Variants in SLC4A10 observed in about 807,000 individuals in gnomAD.
SLC4A10 encodes the protein sodium-driven chloride bicarbonate exchanger.
Under a neutral mutation model 137.7 loss-of-function variants are expected in SLC4A10, and 42 were observed. The observed-to-expected ratio is 0.30, with a 90% CI of 0.24 to 0.39. The LOEUF (loss-of-function observed/expected upper bound fraction) is 0.39. Ranked by LOEUF, SLC4A10 falls within the 10% of genes least tolerant of loss-of-function variation. SLC4A10 has a pLI of 1.00. For missense variants in SLC4A10, 925 were observed against 1,355.0 expected, an observed-to-expected ratio of 0.68 and a Z score of 4.98; for synonymous variants, 474 against 464.1, an observed-to-expected ratio of 1.02 and a Z score of -0.27.
chr2:161,807,279 T>G (rs1575061056), intron 3 of SLC4A10, among the ~76,000 whole-genome samples: 1 of 152,208 alleles, frequency 6.6e-6, no homozygotes, highest in South Asian at 2.1e-4. Flanking sequence ...CTATTGTGAA[T>G]GCTCTCTCAT....
intron 1 of SLC4A10, among the ~76,000 whole-genome samples, chr2:161,644,364 T>C (rs1300609639): frequency 6.6e-6 from 1 of 151,990 alleles, no homozygotes; most frequent in African/African-American, 2.4e-5. Flanking sequence ...GGCGTGGTGG[T>C]ACGTTGCTGT....
At chr2:161,771,716 A>C (rs2125422770) in intron 2 of SLC4A10, among the ~76,000 whole-genome samples, 1 of 152,022 alleles carries the variant, frequency 6.6e-6, no homozygotes, top group Non-Finnish European at 1.5e-5. Flanking sequence ...ATTACTTAGA[A>C]TAGTACCTGG....
intron 1 of SLC4A10, among the ~76,000 whole-genome samples, chr2:161,717,715 T>C (rs986490057): frequency 6.6e-6 from 1 of 152,204 alleles, no homozygotes; most frequent in Non-Finnish European, 1.5e-5. Flanking sequence ...TGAAGATTTT[T>C]GCATTGATAT....
At chr2:161,771,689 A>G (rs541096166) in intron 2 of SLC4A10, among the ~76,000 whole-genome samples, 106 of 151,898 alleles carry the variant, frequency 7.0e-4, no homozygotes, top group Admixed American at 1.6e-3. Context: ...TAGTTTTTCT[A>G]TGAGAATTAA....
At chr2:161,819,716 G>A (rs1387329459) in intron 3 of SLC4A10, among the ~76,000 whole-genome samples, 3 of 152,010 alleles carry the variant, frequency 2.0e-5, no homozygotes, top group Non-Finnish European at 2.9e-5. Context: ...AGCTGGTCTC[G>A]AACTCCTGAC....
chr2:161,885,149 G>T (rs1203528894), intron 10 of SLC4A10, among the ~76,000 whole-genome samples: 1 of 152,138 alleles, frequency 6.6e-6, no homozygotes, highest in African/African-American at 2.4e-5. Context: ...CTGCACTCCA[G>T]CCTGGGTGAT....
chr2:161,906,257 G>A (rs549456794), intron 15 of SLC4A10, among the ~76,000 whole-genome samples: 2 of 152,142 alleles, frequency 1.3e-5, no homozygotes, highest in Non-Finnish European at 2.9e-5. Context: ...AAGAAACATA[G>A]TAATGAAAAT....
At chr2:161,835,780 A>G (rs1288521942) in intron 3 of SLC4A10, among the ~76,000 whole-genome samples, 1 of 152,200 alleles carries the variant, frequency 6.6e-6, no homozygotes. Flanking sequence ...GCTGTACCTG[A>G]TCTAATGCCT....
intron 1 of SLC4A10, among the ~76,000 whole-genome samples, chr2:161,725,683 G>T (rs895849348): frequency 6.6e-6 from 1 of 152,108 alleles, no homozygotes; most frequent in Non-Finnish European, 1.5e-5. Context: ...GATGTCTAAA[G>T]AAAAAACTCA....
intron 1 of SLC4A10, among the ~76,000 whole-genome samples, chr2:161,684,515 G>T (rs182785613): frequency 6.6e-6 from 1 of 152,122 alleles, no homozygotes; most frequent in African/African-American, 2.4e-5. Flanking sequence ...CTTGAGCAAG[G>T]ACTTGAGAGA....
rs2034530773 is a variant in SLC4A10 at position 161,637,084 on chromosome 2, TA to T, written c.48+12519del. Among the ~76,000 whole-genome samples the T allele has an allele frequency of 6.4e-5, 8 of 125,602 alleles. 1 individual carries two copies. The East Asian group carries it at 7.8e-4, about 12-fold the overall frequency. The allele number at this position is 125,602 out of a possible 152,430, so 82.4% of individuals were successfully genotyped here. On this transcript the variant is annotated intron_variant, in intron 1 of 26. Transcript: ENST00000446997. ...ATATATCTATATACATAAATACGTA[TA>T]TACATATACGTATATACGTATTTAT...
At chr2:161,829,949 A>G (rs1485157381) in intron 3 of SLC4A10, among the ~76,000 whole-genome samples, 1 of 152,160 alleles carries the variant, frequency 6.6e-6, no homozygotes, top group Admixed American at 6.5e-5. Context: ...CAGTATGGGG[A>G]AACTGTCCCC....
intron 4 of SLC4A10, among the ~76,000 whole-genome samples, chr2:161,852,433 C>T (rs1425943648): frequency 6.6e-6 from 1 of 152,182 alleles, no homozygotes; most frequent in Admixed American, 6.5e-5. Context: ...TGTATCCACT[C>T]CCCTGATGCC....
chr2:161,886,795 T>G (rs887724131), intron 10 of SLC4A10, among the ~76,000 whole-genome samples: 1 of 152,128 alleles, frequency 6.6e-6, no homozygotes, highest in Non-Finnish European at 1.5e-5. Context: ...TTTTTTTGTT[T>G]GATTTTTTTT....
At chr2:161,852,807 A>C (rs1043063058) in intron 4 of SLC4A10, among the ~76,000 whole-genome samples, 1 of 152,212 alleles carries the variant, frequency 6.6e-6, no homozygotes, top group Non-Finnish European at 1.5e-5. Flanking sequence ...TGACAAGGTC[A>C]CTGGCTAGGT....
At position 161,646,927 on chromosome 2, in the gene SLC4A10, C is replaced by T. The variant is rs142632173; in HGVS notation, c.48+22361C>T. 2.8e-3 allele frequency among the ~76,000 whole-genome samples: 433 copies of T among 152,010 alleles called. 11 individuals carry two copies. The highest frequency in any genetic ancestry group is 0.01 in the South Asian group (49 of 4,822). ...TCTGAAATTTTCATTATCTTAGTTA[C>T]GAAGAGTTTTATGAGAGCATAATTT... On this transcript the variant is annotated intron_variant, in intron 1 of 26. Transcript: ENST00000446997.
At chr2:161,956,171 A>G (rs754950716) in intron 19 of SLC4A10, among the ~76,000 whole-genome samples, 1 of 152,202 alleles carries the variant, frequency 6.6e-6, no homozygotes, top group Non-Finnish European at 1.5e-5. Flanking sequence ...AACAGATATT[A>G]TTCCAAATGA....
chr2:161,982,120 G>T (rs1700298899), intron 26 of SLC4A10, among the ~76,000 whole-genome samples: 1 of 152,184 alleles, frequency 6.6e-6, no homozygotes, highest in Non-Finnish European at 1.5e-5. Flanking sequence ...GCGGTCCATT[G>T]TCAAGTGTTT....
chr2:161,718,493 A>G (rs1398266592), intron 1 of SLC4A10, among the ~76,000 whole-genome samples: 1 of 152,118 alleles, frequency 6.6e-6, no homozygotes, highest in Non-Finnish European at 1.5e-5. Flanking sequence ...AGATTCTGGT[A>G]TGCTCTCTTT....
Sources: allele counts gnomAD v4.1 joint callset (sites outside exome capture counted in the v4.1 genomes callset), GRCh38; gene constraint gnomAD v4.1.1; transcripts MANE v1.5; gene names NCBI Gene and HGNC (gene_info 2026-07-23, HGNC 2026-07-21).